KATNAL1: variants seen among roughly 807,000 people sequenced by gnomAD.
The protein encoded by KATNAL1 is katanin p60 ATPase-containing subunit A-like 1.
KATNAL1 carries 32 observed loss-of-function variants against 55.2 expected under a neutral mutation model. The observed-to-expected ratio is 0.58, with a 90% confidence interval of 0.44 to 0.78. KATNAL1 has a LOEUF of 0.78. Ranked by LOEUF, KATNAL1 falls within the 30% of genes least tolerant of loss-of-function variation. KATNAL1 has a pLI of 0.00. For missense variants in KATNAL1, 466 were observed against 600.9 expected, an observed-to-expected ratio of 0.78 and a Z score of 2.35; for synonymous variants, 193 against 193.6, an observed-to-expected ratio of 1.00 and a Z score of 0.02.
At chr13:30,266,012 C>CAA (rs776557665) in intron 3 of KATNAL1, among the ~76,000 whole-genome samples, 101 of 35,120 alleles carry the variant, frequency 2.9e-3, no homozygotes, top group East Asian at 4.3e-3. Context: ...AACTCCATCT[C>CAA]AAAAAAAAAA....
rs1257643826 is a variant in KATNAL1, at chr13:30,204,960, T to A, written c.*3580A>T. On this transcript the variant is annotated 3_prime_UTR_variant, in exon 11 of 11. Coordinates refer to ENST00000380615, the MANE Select transcript of KATNAL1 (RefSeq NM_032116.5). ...GTTGCAGCTTCCATTAAAGAGGTGT[T>A]TATTTTACTAATATTAATTTCCTTT... is the stretch of plus-strand genomic sequence containing the variant. The A allele has an allele frequency of 1.3e-5, 2 of 152,180 alleles. No homozygotes were observed. The highest frequency in any genetic ancestry group is 2.9e-5 in the Non-Finnish European group (2 of 68,034). 9.4% of individuals were successfully genotyped at this position (152,180 alleles called of 1,614,324 possible). A position where few individuals can be genotyped will look rare whatever the true frequency, so the allele number is the denominator to read the frequency against.
intron 3 of KATNAL1, among the ~76,000 whole-genome samples, chr13:30,274,907 G>GCGCGCGCGCA (rs869107567): frequency 4.0e-3 from 421 of 105,384 alleles, no homozygotes; most frequent in East Asian, 5.7e-3. Flanking sequence ...GCGCGCGCGC[G>GCGCGCGCGCA]CACACACACA....
intron 6 of KATNAL1, 36 bp downstream of exon 6, chr13:30,240,424 C>G: frequency 1.5e-6 from 2 of 1,364,558 alleles, no homozygotes. Flanking sequence ...TGCCAAGTAG[C>G]ATTCTTATAT....
intron 9 of KATNAL1, among the ~76,000 whole-genome samples, chr13:30,216,209 T>C (rs1271722113): frequency 6.6e-6 from 1 of 152,148 alleles, no homozygotes; most frequent in Admixed American, 6.5e-5. Flanking sequence ...GATACATTGT[T>C]AGGTGATGAA....
At chr13:30,279,322 C>A (rs1252053317) in intron 3 of KATNAL1, among the ~76,000 whole-genome samples, 1 of 152,114 alleles carries the variant, frequency 6.6e-6, no homozygotes, top group Non-Finnish European at 1.5e-5. Context: ...CTTGTCCTTG[C>A]AAATCTTTTG....
intron 9 of KATNAL1, among the ~76,000 whole-genome samples, chr13:30,219,476 G>A (rs906845822): frequency 2.6e-5 from 4 of 152,156 alleles, no homozygotes; most frequent in Admixed American, 6.5e-5. Flanking sequence ...CAGAGCTCTC[G>A]GCTCATGCAT....
rs1237789657 is a variant in KATNAL1, at chr13:30,262,999, T to C, written c.324-7384A>G. On this transcript the variant is annotated intron_variant, in intron 3 of 10. Transcript: ENST00000380615. ...AATACTGGCAAACCGAATCCAGCAG[T>C]ACATCTAAAAGCTTATCCACCATGA... is the stretch of plus-strand genomic sequence containing the variant. Among the ~76,000 whole-genome samples, 425 of 152,214 alleles carry C rather than the reference T, an allele frequency of 2.8e-3. 4 individuals are homozygous for C. Among genetic ancestry groups the C allele is most frequent in the Admixed American group, 2.6e-3 (40 of 15,278 alleles).
intron 1 of KATNAL1, among the ~76,000 whole-genome samples, chr13:30,290,046 T>C (rs1239858138): frequency 6.6e-6 from 1 of 152,232 alleles, no homozygotes; most frequent in African/African-American, 2.4e-5. Flanking sequence ...GCAAAAATCA[T>C]TCCTGATTCA....
chr13:30,246,333 C>G (rs750316238), intron 4 of KATNAL1, among the ~76,000 whole-genome samples: 3 of 152,196 alleles, frequency 2.0e-5, no homozygotes, highest in Non-Finnish European at 4.4e-5. Context: ...GGAAAATTGG[C>G]TAGCCATATG....
Position 30,240,907 on chromosome 13 carries a change from C to T in KATNAL1, c.620+52G>A. 3 of 1,537,238 alleles carry T rather than the reference C, an allele frequency of 2.0e-6. No homozygotes were observed. In the East Asian group the frequency reaches 6.8e-5, roughly 35 times the overall value. ...GAGAAAACTCACACACCAAGACAAC[C>T]TATAATTTGTGTTCTCCTCTACTTT... On this transcript the variant is annotated intron_variant, in intron 5 of 10. Transcript: ENST00000380615.
At chr13:30,304,586 G>A (rs984043520) in intron 1 of KATNAL1, among the ~76,000 whole-genome samples, 2 of 152,132 alleles carry the variant, frequency 1.3e-5, no homozygotes, top group Non-Finnish European at 1.5e-5. Context: ...TTTCTTAAAT[G>A]AGAGTTCCAT....
intron 3 of KATNAL1, among the ~76,000 whole-genome samples, chr13:30,256,225 T>C (rs1259192785): frequency 6.6e-6 from 1 of 152,224 alleles, no homozygotes; most frequent in African/African-American, 2.4e-5. Context: ...TCATTCAAAT[T>C]ATACAGTCCT....
chr13:30,237,146 T>C (rs559270511), intron 6 of KATNAL1, among the ~76,000 whole-genome samples: 49 of 152,320 alleles, frequency 3.2e-4, no homozygotes, highest in African/African-American at 8.7e-4. Context: ...ACCATGAGCT[T>C]CTTGGGGGCT....
At chr13:30,304,302 GCT>G (rs1444893937) in intron 1 of KATNAL1, among the ~76,000 whole-genome samples, 2 of 141,468 alleles carry the variant, frequency 1.4e-5, no homozygotes, top group Non-Finnish European at 3.0e-5. Context: ...ACGGAGTCTC[GCT>G]CTGTCACCAG....
At chr13:30,254,094 A>G (rs1381712938) in intron 4 of KATNAL1, among the ~76,000 whole-genome samples, 1 of 152,198 alleles carries the variant, frequency 6.6e-6, no homozygotes, top group Non-Finnish European at 1.5e-5. Context: ...TCAAGACTGA[A>G]AGTTCCTTAC....
intron 1 of KATNAL1, among the ~76,000 whole-genome samples, chr13:30,294,232 T>C (rs1279784566): frequency 1.3e-5 from 2 of 152,204 alleles, no homozygotes; most frequent in African/African-American, 4.8e-5. Context: ...TGTTGAAAGC[T>C]AAGATAGGGC....
chr13:30,275,526 A>C (rs966527355), intron 3 of KATNAL1, among the ~76,000 whole-genome samples: 11 of 152,328 alleles, frequency 7.2e-5, no homozygotes, highest in African/African-American at 2.6e-4. Flanking sequence ...TCAAACTCAT[A>C]GAAAGAGAGT....
chr13:30,227,316 A>G, intron 9 of KATNAL1, 96 bp downstream of exon 9: 1 of 1,204,270 alleles, frequency 8.3e-7, no homozygotes, highest in South Asian at 1.7e-5. Context: ...GATGCTATAA[A>G]CTTCTTTAAG....
At chr13:30,226,607 T>C (rs1031866920) in intron 9 of KATNAL1, among the ~76,000 whole-genome samples, 1 of 152,196 alleles carries the variant, frequency 6.6e-6, no homozygotes, top group African/African-American at 2.4e-5. Context: ...CACACAGAAC[T>C]TTACAGGATG....
Sources: allele counts gnomAD v4.1 joint callset (sites outside exome capture counted in the v4.1 genomes callset), GRCh38; gene constraint gnomAD v4.1.1; transcripts MANE v1.5; gene names NCBI Gene and HGNC (gene_info 2026-07-23, HGNC 2026-07-21).